The following WWOX variants were observed in gnomAD, a reference collection of about 807,000 sequenced individuals.
WWOX encodes the protein WW domain containing oxidoreductase.
WWOX carries 69 observed loss-of-function variants against 46.2 expected under a neutral mutation model. The ratio of observed to expected loss-of-function variants is 1.49; its 90% CI spans 1.23 to 1.82. The LOEUF is 1.82. Among genes scored for constraint, WWOX ranks in the 40% most tolerant of loss-of-function variants. The pLI is 0.00. For synonymous variants in WWOX, 359 were observed against 202.6 expected, an observed-to-expected ratio of 1.77 and a Z score of -6.56; for missense variants, 919 against 542.6, an observed-to-expected ratio of 1.69 and a Z score of -6.89.
chr16:78,327,906 T>A (rs906421693), intron 5 of WWOX, among the ~76,000 whole-genome samples: 6 of 146,252 alleles, frequency 4.1e-5, no homozygotes, highest in East Asian at 4.1e-4. Context: ...TGAGATGATC[T>A]TCTTCTGTTG....
chr16:78,759,039 C>A (rs531445849), intron 8 of WWOX, among the ~76,000 whole-genome samples: 2 of 151,778 alleles, frequency 1.3e-5, no homozygotes, highest in Admixed American at 6.6e-5. Flanking sequence ...CTGGAACTTC[C>A]CTTTCTATTT....
chr16:78,911,771 C>A lies in WWOX; in HGVS notation c.1057-299837C>A, dbSNP rs572177606. 4.7e-4 allele frequency among the ~76,000 whole-genome samples: 71 copies of A among 152,120 alleles called. 1 individual carries two copies. The South Asian group carries it at 0.011, about 24-fold the overall frequency. On this transcript the variant is annotated intron_variant, in intron 8 of 8. Transcript: ENST00000566780. ...ATCTCAGCTACTCAGGAGGCTGAGG[C>A]AGGAGAATCACTTGAACCCGGGAAG... is the stretch of plus-strand genomic sequence containing the variant.
chr16:79,073,988 C>T lies in WWOX; in HGVS notation c.1057-137620C>T, dbSNP rs527379592. Among the ~76,000 whole-genome samples the T allele has an allele frequency of 2.8e-4, 38 of 136,680 alleles. No individual in the cohort carries two copies. The South Asian group carries it at 4.4e-3, about 16-fold the overall frequency. 89.7% of individuals were successfully genotyped at this position (136,680 alleles called of 152,430 possible). ...AGGGTACCCTTCACAAAGTTATTTG[C>T]CAAAGGTCTGAGGAAAAAAAAAGCC... On this transcript the variant is annotated intron_variant, in intron 8 of 8. Transcript: ENST00000566780.
chr16:78,365,026 A>G (rs2081502361), intron 5 of WWOX, among the ~76,000 whole-genome samples: 1 of 152,186 alleles, frequency 6.6e-6, no homozygotes, highest in African/African-American at 2.4e-5. Context: ...AGCTGTGGGT[A>G]ATTCTTTGGG....
At chr16:78,411,600 T>G (rs2082681759) in intron 6 of WWOX, among the ~76,000 whole-genome samples, 1 of 152,168 alleles carries the variant, frequency 6.6e-6, no homozygotes, top group South Asian at 2.1e-4. Context: ...TGTGTTTAAT[T>G]TAGCAGACAT....
At chr16:78,574,999 T>TTATATA (rs1274999113) in intron 8 of WWOX, among the ~76,000 whole-genome samples, 3 of 37,034 alleles carry the variant, frequency 8.1e-5, no homozygotes, top group Non-Finnish European at 1.2e-4. Flanking sequence ...TATTTTTCAA[T>TTATATA]TATATATATA....
chr16:78,662,792 G>T (rs751456278), intron 8 of WWOX, among the ~76,000 whole-genome samples: 1 of 152,108 alleles, frequency 6.6e-6, no homozygotes, highest in Admixed American at 6.5e-5. Context: ...GTAGTGTTTT[G>T]GTGGTTCCTG....
At chr16:78,753,569 G>A (rs143608935) in intron 8 of WWOX, among the ~76,000 whole-genome samples, 5 of 151,868 alleles carry the variant, frequency 3.3e-5, no homozygotes, top group East Asian at 2.0e-4. Context: ...GGAGGCCAAG[G>A]CAGGTAGTTT....
At chr16:78,878,508 G>A (rs2151211881) in intron 8 of WWOX, among the ~76,000 whole-genome samples, 1 of 152,096 alleles carries the variant, frequency 6.6e-6, no homozygotes, top group East Asian at 1.9e-4. Context: ...ACATATAAAA[G>A]GCTTGGTTTA....
chr16:78,634,355 T>C (rs1175900456), intron 8 of WWOX, among the ~76,000 whole-genome samples: 1 of 152,152 alleles, frequency 6.6e-6, no homozygotes, highest in Admixed American at 6.5e-5. Flanking sequence ...CTTTCACTTA[T>C]TCCCTCATTC....
At chr16:78,708,810 G>A (rs2048378174) in intron 8 of WWOX, among the ~76,000 whole-genome samples, 1 of 152,206 alleles carries the variant, frequency 6.6e-6, no homozygotes, top group Non-Finnish European at 1.5e-5. Context: ...GAAACCAGGT[G>A]TTGGCCATAA....
rs1033740638 is a variant in WWOX, at chr16:78,898,250, C to G, written c.1057-313358C>G. ...TCACAAAAATATTTTCCTATGTTTT[C>G]TTCTAGACACTCCATAACTTCAATC... On this transcript the variant is annotated intron_variant, in intron 8 of 8. Transcript: ENST00000566780. 5 of 152,066 alleles carry G rather than the reference C, an allele frequency of 3.3e-5. No homozygotes were observed. The East Asian group carries it at 9.6e-4, about 29-fold the overall frequency. The allele number at this position is 152,066 out of a possible 1,614,324, so 9.4% of individuals were successfully genotyped here.
At chr16:78,762,235 C>T (rs751000602) in intron 8 of WWOX, among the ~76,000 whole-genome samples, 1 of 152,184 alleles carries the variant, frequency 6.6e-6, no homozygotes, top group Non-Finnish European at 1.5e-5. Context: ...GCAGCTGTGT[C>T]TTAAGACTGT....
intron 8 of WWOX, among the ~76,000 whole-genome samples, chr16:78,821,942 T>A (rs2051508730): frequency 6.6e-6 from 1 of 152,164 alleles, no homozygotes; most frequent in Non-Finnish European, 1.5e-5. Context: ...TGCTGTGGCA[T>A]CTTAGCTCAC....
At chr16:78,436,997 C>T (rs770964027) in intron 8 of WWOX, among the ~76,000 whole-genome samples, 2 of 152,180 alleles carry the variant, frequency 1.3e-5, no homozygotes, top group Admixed American at 1.3e-4. Context: ...AGCATAGATG[C>T]AATGTCCCTA....
At chr16:78,498,954 A>G (rs1245127613) in intron 8 of WWOX, among the ~76,000 whole-genome samples, 1 of 152,174 alleles carries the variant, frequency 6.6e-6, no homozygotes, top group Non-Finnish European at 1.5e-5. Context: ...GATTGTTAAG[A>G]TGGAATATTA....
chr16:78,331,745 G>T (rs573270420), intron 5 of WWOX, among the ~76,000 whole-genome samples: 2 of 152,310 alleles, frequency 1.3e-5, no homozygotes, highest in South Asian at 2.1e-4. Context: ...GTAGACATTG[G>T]TTTGTCCATA....
chr16:78,771,291 G>C (rs899394337), intron 8 of WWOX, among the ~76,000 whole-genome samples: 3 of 152,180 alleles, frequency 2.0e-5, no homozygotes, highest in African/African-American at 7.2e-5. Flanking sequence ...AGGGTATCCA[G>C]TTAGGAAGCT....
At chr16:78,380,225 G>A (rs1037072256) in intron 5 of WWOX, among the ~76,000 whole-genome samples, 10 of 152,134 alleles carry the variant, frequency 6.6e-5, no homozygotes, top group African/African-American at 2.4e-4. Flanking sequence ...AAGGGGCAAG[G>A]AGGGTTGGGG....
Sources: allele counts gnomAD v4.1 joint callset (sites outside exome capture counted in the v4.1 genomes callset), GRCh38; gene constraint gnomAD v4.1.1; transcripts MANE v1.5; gene names NCBI Gene and HGNC (gene_info 2026-07-23, HGNC 2026-07-21).